The following RPUSD2 variants were observed in gnomAD, a reference collection of about 807,000 sequenced individuals.
RPUSD2 encodes the protein RNA pseudouridine synthase domain containing 2.
In RPUSD2, 31 loss-of-function variants were observed where a neutral mutation model predicts 41.5. That is an observed-to-expected ratio of 0.75 (90% confidence interval 0.56 to 1.01). The LOEUF (loss-of-function observed/expected upper bound fraction) is 1.01. Among genes scored for constraint, RPUSD2 ranks in the 50% least tolerant of loss-of-function variants. The probability of loss-of-function intolerance (pLI) is 0.00; values close to 1 mark genes in which losing one functional copy is unlikely to be tolerated. For synonymous variants in RPUSD2, 305 were observed against 289.7 expected, an observed-to-expected ratio of 1.05 and a Z score of -0.54; for missense variants, 749 against 724.7, an observed-to-expected ratio of 1.03 and a Z score of -0.38.
At chr15:40,570,201 A>G (rs999076014) in intron 1 of RPUSD2, 9 of 453,458 alleles carry the variant, frequency 2.0e-5, no homozygotes, top group African/African-American at 1.8e-4. Context: ...AAGGGACAGA[A>G]GTTGGAATTT....
rs1444191262 is a variant in RPUSD2, at chr15:40,573,963, C to CA, written c.1341dup (p.Glu448ArgfsTer22). The CA allele has an allele frequency of 6.2e-7, 1 of 1,614,134 alleles. No homozygotes were observed. Among genetic ancestry groups the CA allele is most frequent in the Admixed American group, 1.7e-5 (1 of 60,020 alleles). ...CTCACAGACTCTACGGCCCCCTCCT[C>CA]AGAGTTGGGCAAGGACGACCTGGAA... On this transcript the variant is annotated frameshift_variant, in exon 3 of 3. Transcript: ENST00000315616. LOFTEE classifies it high-confidence loss of function.
chr15:40,570,091 A>G lies in RPUSD2; in HGVS notation c.606+148A>G, dbSNP rs111360295. The G allele has an allele frequency of 1.1e-5, 13 of 1,169,132 alleles. No individual in the cohort carries two copies. The East Asian group carries it at 1.9e-4, about 17-fold the overall frequency. The allele number at this position is 1,169,132 out of a possible 1,614,324, so 72.4% of individuals were successfully genotyped here. On this transcript the variant is annotated intron_variant, in intron 1 of 2. Coordinates refer to ENST00000315616, the MANE Select transcript of RPUSD2 (RefSeq NM_152260.3). Reference sequence around the variant, plus strand: ...AAGCGTTCTCGCTTTCATTTGGAACACTATTTTAGCCCGTTTCCCACCTCC... The same window carrying G: ...AAGCGTTCTCGCTTTCATTTGGAACGCTATTTTAGCCCGTTTCCCACCTCC...
intron 2 of RPUSD2, 63 bp from the exon 3 acceptor site, chr15:40,573,464 A>G (rs1165628872): frequency 1.9e-6 from 3 of 1,541,076 alleles, no homozygotes; most frequent in Non-Finnish European, 2.6e-6. Flanking sequence ...TCACTCCACA[A>G]AGAGTTTGGA....
chr15:40,572,686 C>T (rs956879737), intron 2 of RPUSD2, among the ~76,000 whole-genome samples: 2 of 152,086 alleles, frequency 1.3e-5, no homozygotes, highest in African/African-American at 2.4e-5. Context: ...GAGCCATGAG[C>T]ATGTCACTGC....
At position 40,569,724 on chromosome 15, in the gene RPUSD2, A is replaced by G. The variant is rs1034284982; in HGVS notation, c.387A>G (p.Ala129=). The part of the protein sequence containing the change: ...TGVSFGDEHF[A]ETSYYFEGGL... Reference sequence around the variant, plus strand: ...TGAGCTTCGGAGATGAGCACTTTGCAGAAACCAGTTATTACTTCGAGGGCG... The same window carrying G: ...TGAGCTTCGGAGATGAGCACTTTGCGGAAACCAGTTATTACTTCGAGGGCG... The change falls in exon 1 of 3, where the codon GCA becomes GCG. Residue 129 remains alanine (A), a synonymous_variant. Transcript: ENST00000315616. 4.4e-6 allele frequency: 7 copies of G among 1,594,616 alleles called. No individual in the cohort carries two copies. The highest frequency in any genetic ancestry group is 1.8e-5 in the Admixed American group (1 of 56,152).
In RPUSD2 at chr15:40,571,640, GAGCCACCAGT is replaced by G; in HGVS notation, c.644_653del (p.Glu215AlafsTer9). 7 of 1,614,246 alleles carry G rather than the reference GAGCCACCAGT, an allele frequency of 4.3e-6. No homozygotes were observed. Among genetic ancestry groups the G allele is most frequent in the Non-Finnish European group, 1.7e-6 (2 of 1,180,040 alleles). The stretch of plus-strand genomic sequence containing the variant: ...CTTGCGGAACACAGTGCACAGGCAT[GAGCCACCAGT>G]CACAGCAGAGCCCATTCGCCTGCTA... On this transcript the variant is annotated frameshift_variant, in exon 2 of 3. Transcript: ENST00000315616. LOFTEE classifies it high-confidence loss of function.
In RPUSD2 at chr15:40,570,496, AT is replaced by A. The variant is rs1891114167; in HGVS notation, c.606+556del. ...TGTTCCTATAACTACTACTTAAACT[AT>A]TTAACATAGAGTTATGAGATGTCAG... On this transcript the variant is annotated intron_variant, in intron 1 of 2. Coordinates refer to ENST00000315616, the MANE Select transcript of RPUSD2 (RefSeq NM_152260.3). 5.3e-5 allele frequency among the ~76,000 whole-genome samples: 8 copies of A among 152,340 alleles called. No individual in the cohort carries two copies. In the South Asian group the frequency reaches 1.7e-3, roughly 32 times the overall value.
intron 2 of RPUSD2, among the ~76,000 whole-genome samples, chr15:40,573,217 G>A (rs895075164): frequency 2.6e-5 from 4 of 152,000 alleles, no homozygotes; most frequent in Non-Finnish European, 5.9e-5. Flanking sequence ...TAGAGACGGG[G>A]TTTCTTCATG....
Position 40,571,764 on chromosome 15 carries a change from T to C in RPUSD2, c.767T>C (p.Phe256Ser). ...CGRFRHNTVI[F>S]ILGKEHQLKE... The stretch of plus-strand genomic sequence containing the variant: ...CGCTTCCGACACAACACAGTTATCT[T>C]CATCCTAGGCAAGGAGCACCAACTC... Residue 256 changes from phenylalanine (F) to serine (S), a missense_variant, in exon 2 of 3, where the codon TTC becomes TCC. Physicochemically the swap from Phe to Ser is radical, Grantham distance 155 (BLOSUM62 -2). Transcript: ENST00000315616. The C allele has an allele frequency of 1.9e-6, 3 of 1,614,238 alleles. No individual in the cohort carries two copies. Among genetic ancestry groups the C allele is most frequent in the Non-Finnish European group, 1.7e-6 (2 of 1,180,038 alleles).
At position 40,571,791 on chromosome 15, in the gene RPUSD2, A is replaced by G. The variant is rs372473531; in HGVS notation, c.794A>G (p.Lys265Arg). Residue 265 changes from lysine (K) to arginine (R), a missense_variant, in exon 2 of 3, where the codon AAG becomes AGG. Transcript: ENST00000315616. Reference protein sequence around the residue: ...IFILGKEHQLKELHPLHRLDR... With the variant: ...IFILGKEHQLRELHPLHRLDR... ...ATCCTAGGCAAGGAGCACCAACTCA[A>G]GGAGCTACACCCCTTGCATCGGCTT... is the stretch of plus-strand genomic sequence containing the variant. 6 of 1,614,234 alleles carry G rather than the reference A, an allele frequency of 3.7e-6. No individual in the cohort carries two copies. Among genetic ancestry groups the G allele is most frequent in the Non-Finnish European group, 5.1e-6 (6 of 1,180,028 alleles).
rs562180631 is a variant in RPUSD2, at chr15:40,569,592, C to T, written c.255C>T (p.Gly85=). 92 of 1,534,972 alleles carry T rather than the reference C, an allele frequency of 6.0e-5. No individual in the cohort carries two copies. Among genetic ancestry groups the T allele is most frequent in the Middle Eastern group, 3.5e-4 (2 of 5,734 alleles). The part of the protein sequence containing the change: ...AGREVEPAPV[G]GEHPSAAAPG... ...GGGAAGTGGAGCCGGCCCCAGTAGGCGGGGAGCATCCCTCGGCTGCAGCCC... is the reference window on the plus strand; with the variant it reads ...GGGAAGTGGAGCCGGCCCCAGTAGGTGGGGAGCATCCCTCGGCTGCAGCCC... The change falls in exon 1 of 3, where the codon GGC becomes GGT. Residue 85 remains glycine (G), a synonymous_variant. Transcript: ENST00000315616.
chr15:40,570,996 A>ATT (rs554986069), intron 1 of RPUSD2, among the ~76,000 whole-genome samples: 75 of 141,454 alleles, frequency 5.3e-4, no homozygotes, highest in African/African-American at 1.8e-3. Context: ...TTGATTATTT[A>ATT]TTTTTTTTTT....
At position 40,569,407 on chromosome 15, in the gene RPUSD2, T is replaced by C. The variant is rs765724724; in HGVS notation, c.70T>C (p.Phe24Leu). The change falls in exon 1 of 3, where the codon TTT (phenylalanine) becomes CTT (leucine). Residue 24 changes from phenylalanine (F) to leucine (L), a missense_variant. Physicochemically the swap from Phe to Leu is conservative, Grantham distance 22. Transcript: ENST00000315616. ...GCGCTACGACCTTAGGCGCCCTAGC[T>C]TTACCAGGACTTGGAGTGGCGATAA... Reference protein sequence around the residue: ...HWRYDLRRPSFTRTWSGDKGP... With the variant: ...HWRYDLRRPSLTRTWSGDKGP... 2 of 1,538,602 alleles carry C rather than the reference T, an allele frequency of 1.3e-6. No homozygotes were observed. The highest frequency in any genetic ancestry group is 1.7e-6 in the Non-Finnish European group (2 of 1,149,554).
intron 1 of RPUSD2, 111 bp from the exon 2 acceptor site, chr15:40,571,493 T>C (rs1195240731): frequency 1.5e-5 from 15 of 976,478 alleles, no homozygotes; most frequent in Non-Finnish European, 2.2e-5. Context: ...CAGCCCAAGA[T>C]GTGCTTTCAC....
At chr15:40,573,129 A>G (rs1319110702) in intron 2 of RPUSD2, among the ~76,000 whole-genome samples, 3 of 147,296 alleles carry the variant, frequency 2.0e-5, no homozygotes, top group African/African-American at 5.0e-5. Context: ...GGTTCAAGCA[A>G]TTATCCTGCC....
intron 2 of RPUSD2, among the ~76,000 whole-genome samples, chr15:40,572,194 G>T (rs1474016515): frequency 1.3e-5 from 2 of 151,438 alleles, no homozygotes; most frequent in African/African-American, 4.9e-5. Context: ...TTGGGAGGCT[G>T]AGGTGGGAGG....
chr15:40,571,838 C>G lies in RPUSD2; in HGVS notation c.841C>G (p.Leu281Val), dbSNP rs779764785. The change falls in exon 2 of 3, where the codon CTT becomes GTT. Residue 281 changes from leucine (L) to valine (V), a missense_variant. Leu to Val is a conservative substitution (Grantham distance 32, BLOSUM62 1). Coordinates refer to ENST00000315616, the MANE Select transcript of RPUSD2 (RefSeq NM_152260.3). ...HRLDRLTSGV[L>V]MFAKTAAVSE... ...GCTTGACCGCCTTACCTCAGGGGTG[C>G]TTATGTTTGCCAAGACAGCTGCAGT... 6.2e-7 allele frequency: 1 copy of G among 1,614,074 alleles called. No homozygotes were observed. The highest frequency in any genetic ancestry group is 1.3e-5 in the African/African-American group (1 of 74,926).
In RPUSD2 at chr15:40,569,882, T is replaced by G; in HGVS notation, c.545T>G (p.Val182Gly). The G allele has an allele frequency of 6.3e-7, 1 of 1,592,400 alleles. No homozygotes were observed. The highest frequency in any genetic ancestry group is 8.5e-7 in the Non-Finnish European group (1 of 1,170,232). The change falls in exon 1 of 3, where the codon GTC becomes GGC. Residue 182 changes from valine to glycine, a missense_variant. Coordinates refer to ENST00000315616, the MANE Select transcript of RPUSD2 (RefSeq NM_152260.3). ...CCCCTGGCCTACTATGAGGCCGCGGTCCGGGCGGGCCGCCTGCAACTCAAC... is the reference window on the plus strand; with the variant it reads ...CCCCTGGCCTACTATGAGGCCGCGGGCCGGGCGGGCCGCCTGCAACTCAAC... ...AQPLAYYEAAVRAGRLQLNEK... is the reference protein window; with the variant it reads ...AQPLAYYEAAGRAGRLQLNEK...
chr15:40,572,031 G>GGCAAAT, intron 2 of RPUSD2, 131 bp downstream of exon 2: 1 of 981,006 alleles, frequency 1.0e-6, no homozygotes, highest in African/African-American at 1.6e-5. Context: ...CCTACCTTAA[G>GGCAAAT]GCAGGTCAAC....
Sources: gnomAD v4.1 joint callset for allele counts (sites outside exome capture counted in the v4.1 genomes callset) on GRCh38, gnomAD v4.1.1 for gene constraint, MANE v1.5 for transcripts, NCBI Gene and HGNC (gene_info 2026-07-23, HGNC 2026-07-21) for gene names.